NHLH1: variants seen among roughly 807,000 people sequenced by gnomAD.
NHLH1 encodes helix-loop-helix protein 1.
A neutral mutation model predicts 6.7 loss-of-function variants in NHLH1; 3 were observed. That is an observed-to-expected ratio of 0.44 (90% CI 0.20 to 1.15). NHLH1 has a LOEUF of 1.15. NHLH1 is among the 50% of genes most tolerant of loss of function. NHLH1 has a pLI of 0.26. For missense variants in NHLH1, 177 were observed against 189.5 expected (o/e 0.93, Z 0.39); for synonymous variants, 92 against 84.2 (o/e 1.09, Z -0.51).
At position 160,371,118 on chromosome 1, in the gene NHLH1, C is replaced by T; in HGVS notation, c.387C>T (p.His129=). The T allele has an allele frequency of 6.2e-7, 1 of 1,609,154 alleles. No homozygotes were observed. The highest frequency in any genetic ancestry group is 8.5e-7 in the Non-Finnish European group (1 of 1,177,348). ...TCTGCTATATCTCCTACCTGAACCA[C>T]GTGCTGGACGTCTGAACTCAGCCTG... is the stretch of plus-strand genomic sequence containing the variant. ...LAICYISYLN[H]VLDV The change falls in exon 2 of 2, where the codon CAC becomes CAT. Residue 129 remains histidine (H), a synonymous_variant. Transcript: ENST00000302101.
In NHLH1 at chr1:160,370,801, A is replaced by G. The variant is rs1387663778; in HGVS notation, c.70A>G (p.Ser24Gly). Residue 24 changes from serine (S) to glycine (G), a missense_variant, in exon 2 of 2, where the codon AGT (serine) becomes GGT (glycine). Coordinates refer to ENST00000302101, the MANE Select transcript of NHLH1 (RefSeq NM_005598.4). ...CCACTCAGAGACTGAGTCGGGCTTC[A>G]GTGACTGTGGGGGCGGGGCGGGCCC... ...PTHSETESGF[S>G]DCGGGAGPDG... 6.2e-7 allele frequency: 1 copy of G among 1,611,526 alleles called. No individual in the cohort carries two copies. Among genetic ancestry groups the G allele is most frequent in the Admixed American group, 1.7e-5 (1 of 59,966 alleles).
rs748100139 is a variant in NHLH1, at chr1:160,370,886, A to G, written c.155A>G (p.Glu52Gly). The change falls in exon 2 of 2, where the codon GAG becomes GGG. Residue 52 changes from glutamate to glycine, a missense_variant. Transcript: ENST00000302101. ...CAGGCCCGAGGCCCAGAGCCGGGAG[A>G]GCCTGGCCGGAAAGACCTGCAGCAT... Reference protein sequence around the residue: ...GGQARGPEPGEPGRKDLQHLS... With the variant: ...GGQARGPEPGGPGRKDLQHLS... 1.9e-6 allele frequency: 3 copies of G among 1,606,458 alleles called. No homozygotes were observed. The highest frequency in any genetic ancestry group is 3.4e-5 in the Admixed American group (2 of 59,066).
At chr1:160,369,560 G>T (rs779430643) in intron 1 of NHLH1, among the ~76,000 whole-genome samples, 11 of 152,100 alleles carry the variant, frequency 7.2e-5, no homozygotes, top group Non-Finnish European at 1.6e-4. Flanking sequence ...AGGCATAAGG[G>T]TTCCAATTTC....
In NHLH1 at chr1:160,370,689, G is replaced by A; in HGVS notation, c.-43G>A. On this transcript the variant is annotated 5_prime_UTR_variant, in exon 2 of 2. In the 5' UTR this introduces an upstream ATG that the reference lacks. Coordinates refer to ENST00000302101, the MANE Select transcript of NHLH1 (RefSeq NM_005598.4). Reference sequence around the variant, plus strand: ...AGCTTTCAAGCTCCCAGAGGGAGGGGTGGGGAGGGGATCCTGATCTCACAG... The same window carrying A: ...AGCTTTCAAGCTCCCAGAGGGAGGGATGGGGAGGGGATCCTGATCTCACAG... 1 of 1,597,228 alleles carries A rather than the reference G, an allele frequency of 6.3e-7. No individual in the cohort carries two copies. The highest frequency in any genetic ancestry group is 1.7e-5 in the Admixed American group (1 of 58,492).
rs1274868656 is a variant in NHLH1 at position 160,370,674 on chromosome 1, C to G, written c.-58C>G. ...CCCCCTCCCACCACCAGCTTTCAAG[C>G]TCCCAGAGGGAGGGGTGGGGAGGGG... On this transcript the variant is annotated 5_prime_UTR_variant, in exon 2 of 2. Transcript: ENST00000302101. 1.9e-6 allele frequency: 3 copies of G among 1,566,850 alleles called. No individual in the cohort carries two copies. The Admixed American group carries it at 5.4e-5, about 28-fold the overall frequency.
In NHLH1 at chr1:160,371,214, G is replaced by T. The variant is rs1649619395; in HGVS notation, c.*81G>T. 1 of 1,520,982 alleles carries T rather than the reference G, an allele frequency of 6.6e-7. No individual in the cohort carries two copies. The highest frequency in any genetic ancestry group is 8.8e-7 in the Non-Finnish European group (1 of 1,136,844). 94.2% of individuals were successfully genotyped at this position (1,520,982 alleles called of 1,614,324 possible). On this transcript the variant is annotated 3_prime_UTR_variant, in exon 2 of 2. Coordinates refer to ENST00000302101, the MANE Select transcript of NHLH1 (RefSeq NM_005598.4). ...TGCTTAGAAAGGCCGCATCCTCCCC[G>T]AGCCCTTATACCTTGGCATGGAGTC...
chr1:160,368,192 G>A (rs148141936), intron 1 of NHLH1, among the ~76,000 whole-genome samples: 17 of 152,318 alleles, frequency 1.1e-4, no homozygotes, highest in African/African-American at 2.9e-4. Flanking sequence ...TGGGGAGGAA[G>A]GGGAGATAGT....
At position 160,367,127 on chromosome 1, in the gene NHLH1, C is replaced by T. The variant is rs1649502128; in HGVS notation, c.-386C>T. Reference sequence around the variant, plus strand: ...GCTGGCCCCAGTACCTGGCCAAGCCCACCACTTCCACCTGGGCCCTACACC... The same window carrying T: ...GCTGGCCCCAGTACCTGGCCAAGCCTACCACTTCCACCTGGGCCCTACACC... On this transcript the variant is annotated 5_prime_UTR_variant, in exon 1 of 2. Coordinates refer to ENST00000302101, the MANE Select transcript of NHLH1 (RefSeq NM_005598.4). The T allele has an allele frequency of 6.5e-6, 1 of 152,732 alleles. No homozygotes were observed. The highest frequency in any genetic ancestry group is 2.4e-5 in the African/African-American group (1 of 41,378). 9.5% of individuals were successfully genotyped at this position (152,732 alleles called of 1,614,324 possible).
chr1:160,370,663 C>A lies in NHLH1; in HGVS notation c.-69C>A. 3 of 1,525,616 alleles carry A rather than the reference C, an allele frequency of 2.0e-6. No homozygotes were observed. The highest frequency in any genetic ancestry group is 2.7e-6 in the Non-Finnish European group (3 of 1,118,104). 94.5% of individuals were successfully genotyped at this position (1,525,616 alleles called of 1,614,324 possible). A position where few individuals can be genotyped will look rare whatever the true frequency, so the allele number is the denominator to read the frequency against. On this transcript the variant is annotated 5_prime_UTR_variant, in exon 2 of 2. Transcript: ENST00000302101. ...TCCCCCTTCCTCCCCCTCCCACCAC[C>A]AGCTTTCAAGCTCCCAGAGGGAGGG...
chr1:160,371,273 G>T lies in NHLH1; in HGVS notation c.*140G>T. 7.3e-7 allele frequency: 1 copy of T among 1,370,076 alleles called. No homozygotes were observed. 84.9% of individuals were successfully genotyped at this position (1,370,076 alleles called of 1,614,324 possible). On this transcript the variant is annotated 3_prime_UTR_variant, in exon 2 of 2. Coordinates refer to ENST00000302101, the MANE Select transcript of NHLH1 (RefSeq NM_005598.4). Reference sequence around the variant, plus strand: ...CCTGGGCACAGGCAGAGAGCCCACCGGCTGGTCATGAGGGCCTCTTCCTTT... The same window carrying T: ...CCTGGGCACAGGCAGAGAGCCCACCTGCTGGTCATGAGGGCCTCTTCCTTT...
chr1:160,368,555 C>T (rs963532792), intron 1 of NHLH1, among the ~76,000 whole-genome samples: 3 of 152,152 alleles, frequency 2.0e-5, no homozygotes, highest in Non-Finnish European at 4.4e-5. Context: ...CTGAAAATTT[C>T]GAAGACAGAG....
chr1:160,370,646 C>A lies in NHLH1; in HGVS notation c.-86C>A. 1.4e-6 allele frequency: 2 copies of A among 1,400,866 alleles called. No homozygotes were observed. The highest frequency in any genetic ancestry group is 2.0e-6 in the Non-Finnish European group (2 of 1,016,364). 86.8% of individuals were successfully genotyped at this position (1,400,866 alleles called of 1,614,324 possible). ...GACCCCACGACCCTTCCTCCCCCTT[C>A]CTCCCCCTCCCACCACCAGCTTTCA... On this transcript the variant is annotated 5_prime_UTR_variant, in exon 2 of 2. Transcript: ENST00000302101.
rs1571219596 is a variant in NHLH1 at position 160,371,288 on chromosome 1, C to T, written c.*155C>T. 2.4e-6 allele frequency: 3 copies of T among 1,247,690 alleles called. No individual in the cohort carries two copies. Among genetic ancestry groups the T allele is most frequent in the Non-Finnish European group, 3.2e-6 (3 of 927,782 alleles). The allele number at this position is 1,247,690 out of a possible 1,614,324, so 77.3% of individuals were successfully genotyped here. ...AGAGCCCACCGGCTGGTCATGAGGG[C>T]CTCTTCCTTTCTCTGACCCAGGCAC... On this transcript the variant is annotated 3_prime_UTR_variant, in exon 2 of 2. Coordinates refer to ENST00000302101, the MANE Select transcript of NHLH1 (RefSeq NM_005598.4).
In NHLH1 at chr1:160,370,753, A is replaced by C. The variant is rs1202888006; in HGVS notation, c.22A>C (p.Met8Leu). ...CATCATGATGCTCAACTCAGACACC[A>C]TGGAGCTGGACCTGCCGCCCACCCA... MMLNSDTMELDLPPTHSE... is the reference protein window; with the variant it reads MMLNSDTLELDLPPTHSE... Residue 8 changes from methionine to leucine, a missense_variant, in exon 2 of 2, where the codon ATG becomes CTG. Coordinates refer to ENST00000302101, the MANE Select transcript of NHLH1 (RefSeq NM_005598.4). 16 of 1,612,018 alleles carry C rather than the reference A, an allele frequency of 9.9e-6. No homozygotes were observed. In the Admixed American group the frequency reaches 2.7e-4, roughly 27 times the overall value.
rs948689174 is a variant in NHLH1, at chr1:160,370,851, G to A, written c.120G>A (p.Pro40=). The change falls in exon 2 of 2, where the codon CCG becomes CCA. Residue 40 remains proline, a synonymous_variant. Transcript: ENST00000302101. ...CTGATGGTGCCGGGCCTGGGGGTCC[G>A]GGAGGGGGCCAGGCCCGAGGCCCAG... The part of the protein sequence containing the change: ...AGPDGAGPGG[P]GGGQARGPEP... 3.1e-6 allele frequency: 5 copies of A among 1,606,362 alleles called. No individual in the cohort carries two copies. Among genetic ancestry groups the A allele is most frequent in the East Asian group, 2.2e-5 (1 of 44,620 alleles).
At position 160,371,050 on chromosome 1, in the gene NHLH1, C is replaced by T; in HGVS notation, c.319C>T (p.Pro107Ser). Residue 107 changes from proline to serine, a missense_variant, in exon 2 of 2, where the codon CCC (proline) becomes TCC (serine). Pro to Ser is a moderately conservative substitution (Grantham distance 74). Transcript: ENST00000302101. The stretch of plus-strand genomic sequence containing the variant: ...GCGCAAGCTGCTGCCTACGCTGCCC[C>T]CCGACAAGAAGCTCTCCAAGATTGA... ...ELRKLLPTLP[P>S]DKKLSKIEIL... 1 of 1,614,122 alleles carries T rather than the reference C, an allele frequency of 6.2e-7. No homozygotes were observed. Among genetic ancestry groups the T allele is most frequent in the Non-Finnish European group, 8.5e-7 (1 of 1,180,006 alleles).
At position 160,367,231 on chromosome 1, in the gene NHLH1, G is replaced by A. The variant is rs1408948430; in HGVS notation, c.-282G>A. On this transcript the variant is annotated 5_prime_UTR_variant, in exon 1 of 2. Transcript: ENST00000302101. Reference sequence around the variant, plus strand: ...CTACCCCTGAGAGTCTAGAAAGCTGGTCACTAACTTTGCAGACGGATGAGC... The same window carrying A: ...CTACCCCTGAGAGTCTAGAAAGCTGATCACTAACTTTGCAGACGGATGAGC... The A allele has an allele frequency of 2.6e-5, 4 of 152,472 alleles. No homozygotes were observed. Among genetic ancestry groups the A allele is most frequent in the Admixed American group, 2.0e-4 (3 of 15,288 alleles). 9.4% of individuals were successfully genotyped at this position (152,472 alleles called of 1,614,324 possible).
intron 1 of NHLH1, among the ~76,000 whole-genome samples, chr1:160,370,169 C>A (rs569409449): frequency 1.9e-4 from 29 of 152,214 alleles, no homozygotes; most frequent in Non-Finnish European, 3.7e-4. Context: ...CTTTTGGTGT[C>A]ATTTCCAAGA....
rs751941808 is a variant in NHLH1, at chr1:160,372,467, T to C, written c.*1334T>C. On this transcript the variant is annotated 3_prime_UTR_variant, in exon 2 of 2. Transcript: ENST00000302101. ...CCAGCAGCTCTAGCTGGGTCTCTCTTGCTTCCTCCCTGCTTACGCCTTTCC... is the reference window on the plus strand; with the variant it reads ...CCAGCAGCTCTAGCTGGGTCTCTCTCGCTTCCTCCCTGCTTACGCCTTTCC... The C allele has an allele frequency of 1.6e-4, 26 of 167,086 alleles. No individual in the cohort carries two copies. 10.4% of individuals were successfully genotyped at this position (167,086 alleles called of 1,614,324 possible).
Sources: gnomAD v4.1 joint callset for allele counts (sites outside exome capture counted in the v4.1 genomes callset) on GRCh38, gnomAD v4.1.1 for gene constraint, MANE v1.5 for transcripts, NCBI Gene and HGNC (gene_info 2026-07-23, HGNC 2026-07-21) for gene names.